The following ADAMTS2 variants were observed in gnomAD, a reference collection of about 807,000 sequenced individuals.
ADAMTS2 encodes the protein ADAM metallopeptidase with thrombospondin type 1 motif 2.
A neutral mutation model predicts 123.0 loss-of-function variants in ADAMTS2; 50 were observed. The ratio of observed to expected loss-of-function variants is 0.41; its 90% CI spans 0.32 to 0.51. The LOEUF is 0.51. ADAMTS2 is among the 20% of genes least tolerant of loss of function. The pLI is 0.35. For synonymous variants in ADAMTS2, 678 were observed against 695.4 expected (o/e 0.98, Z 0.39); for missense variants, 1,494 against 1,705.2 (o/e 0.88, Z 2.18).
intron 4 of ADAMTS2, among the ~76,000 whole-genome samples, chr5:179,187,488 G>A (rs194040): frequency 0.32 from 49,367 of 152,222 alleles, 9,203 homozygotes; most frequent in Non-Finnish European, 0.43. Context: ...AATGAATGGA[G>A]TGAATCACTT....
intron 12 of ADAMTS2, 106 bp downstream of exon 12, chr5:179,137,663 G>A: frequency 6.9e-7 from 1 of 1,454,850 alleles, no homozygotes; most frequent in Non-Finnish European, 9.3e-7. Flanking sequence ...CCAGCCCAGG[G>A]TCGCGGCAGC....
intron 5 of ADAMTS2, among the ~76,000 whole-genome samples, chr5:179,168,116 G>A (rs1331220453): frequency 2.0e-5 from 3 of 152,190 alleles, no homozygotes; most frequent in Admixed American, 6.5e-5. Context: ...CAGATATTTG[G>A]GGCCAGATAA....
chr5:179,318,034 A>G (rs904372449), intron 2 of ADAMTS2, among the ~76,000 whole-genome samples: 7 of 152,144 alleles, frequency 4.6e-5, no homozygotes, highest in Non-Finnish European at 8.8e-5. Flanking sequence ...TCCTCCCCAA[A>G]GGTCAGGCAG....
At position 179,153,629 on chromosome 5, in the gene ADAMTS2, G is replaced by A; in HGVS notation, c.1383-6C>T. 1 of 1,600,692 alleles carries A rather than the reference G, an allele frequency of 6.2e-7. No individual in the cohort carries two copies. ...CCAGCAGGCAGTCATAGGAGCTGTG[G>A]GGGACACACGGTGCCGCGAGCAGCC... On this transcript the variant is annotated splice_polypyrimidine_tract_variant and splice_region_variant and intron_variant, in intron 8 of 21. Transcript: ENST00000251582.
At chr5:179,251,789 C>G (rs939727552) in intron 3 of ADAMTS2, among the ~76,000 whole-genome samples, 11 of 152,032 alleles carry the variant, frequency 7.2e-5, no homozygotes, top group Non-Finnish European at 1.6e-4. Context: ...AGAGGAGGTG[C>G]TGTGTGCAGA....
intron 4 of ADAMTS2, among the ~76,000 whole-genome samples, chr5:179,203,196 G>T (rs1231629970): frequency 6.6e-6 from 1 of 152,148 alleles, no homozygotes; most frequent in African/African-American, 2.4e-5. Context: ...CACCATCAGG[G>T]CCCCCACCAG....
chr5:179,324,934 C>T (rs1009265983), intron 2 of ADAMTS2, among the ~76,000 whole-genome samples: 2 of 152,190 alleles, frequency 1.3e-5, no homozygotes, highest in African/African-American at 2.4e-5. Context: ...AGGGACCCCC[C>T]CACTGTCTGC....
chr5:179,192,868 G>A (rs1384587965), intron 4 of ADAMTS2, among the ~76,000 whole-genome samples: 1 of 152,136 alleles, frequency 6.6e-6, no homozygotes, highest in African/African-American at 2.4e-5. Flanking sequence ...CACTAGGCAG[G>A]GACTGTTCTG....
At chr5:179,245,792 A>AAC (rs1561628689) in intron 3 of ADAMTS2, among the ~76,000 whole-genome samples, 10,950 of 96,756 alleles carry the variant, frequency 0.11, 1,191 homozygotes, top group Non-Finnish European at 0.19. Flanking sequence ...AAAAAAAAAA[A>AAC]AAACAAAAAA....
At chr5:179,247,723 A>T (rs1372271219) in intron 3 of ADAMTS2, among the ~76,000 whole-genome samples, 1 of 152,220 alleles carries the variant, frequency 6.6e-6, no homozygotes, top group African/African-American at 2.4e-5. Flanking sequence ...CAACGGGATG[A>T]CATATTTAAG....
chr5:179,181,556 A>T lies in ADAMTS2; in HGVS notation c.892-401T>A, dbSNP rs998793165. ...CAGGGCTGGGACCGGCCCTGGCAGAAGTCACTCCAAGCTATAGCTGGTGGG... is the reference window on the plus strand; with the variant it reads ...CAGGGCTGGGACCGGCCCTGGCAGATGTCACTCCAAGCTATAGCTGGTGGG... On this transcript the variant is annotated intron_variant, in intron 4 of 21. Coordinates refer to ENST00000251582, the MANE Select transcript of ADAMTS2 (RefSeq NM_014244.5). This position sits in a 1 kb window ranked among gnomAD's most constrained non-coding sequence, Gnocchi z 4.1. Among the ~76,000 whole-genome samples the T allele has an allele frequency of 2.0e-5, 3 of 152,132 alleles. No homozygotes were observed. Among genetic ancestry groups the T allele is most frequent in the African/African-American group, 7.2e-5 (3 of 41,420 alleles).
In ADAMTS2 at chr5:179,154,207, G is replaced by A. The variant is rs749789700; in HGVS notation, c.1239-15C>T. 1 of 1,543,776 alleles carries A rather than the reference G, an allele frequency of 6.5e-7. No homozygotes were observed. The highest frequency in any genetic ancestry group is 1.2e-5 in the South Asian group (1 of 84,424). On this transcript the variant is annotated splice_polypyrimidine_tract_variant and intron_variant, in intron 7 of 21. Transcript: ENST00000251582. Reference sequence around the variant, plus strand: ...CCATGCCCAGCCTGCGAGGGCCGAGGCAGCTGGCTGAATCCCACTGGCACA... The same window carrying A: ...CCATGCCCAGCCTGCGAGGGCCGAGACAGCTGGCTGAATCCCACTGGCACA...
At position 179,314,536 on chromosome 5, in the gene ADAMTS2, T is replaced by C. The variant is rs890880363; in HGVS notation, c.534+29231A>G. The stretch of plus-strand genomic sequence containing the variant: ...GAAGCAGCCCTCCCACCCACAGCGC[T>C]CCTGCCTCTGCAGCCCCCCGGGCCG... On this transcript the variant is annotated intron_variant, in intron 2 of 21. Coordinates refer to ENST00000251582, the MANE Select transcript of ADAMTS2 (RefSeq NM_014244.5). The surrounding 1 kb of genome is among the most constrained non-coding windows in gnomAD (Gnocchi z 4.5). Among the ~76,000 whole-genome samples the C allele has an allele frequency of 6.6e-6, 1 of 152,024 alleles. No individual in the cohort carries two copies. Among genetic ancestry groups the C allele is most frequent in the Non-Finnish European group, 1.5e-5 (1 of 67,996 alleles).
At chr5:179,137,584 G>T (rs1763086628) in intron 12 of ADAMTS2, among the ~76,000 whole-genome samples, 185 bp downstream of exon 12, 1 of 152,232 alleles carries the variant, frequency 6.6e-6, no homozygotes, top group Non-Finnish European at 1.5e-5. Flanking sequence ...TTGCAGCCCT[G>T]CTAGGAACTT....
chr5:179,135,833 C>A lies in ADAMTS2; in HGVS notation c.2085+76G>T, dbSNP rs3822595. 1.9e-6 allele frequency: 3 copies of A among 1,601,076 alleles called. No individual in the cohort carries two copies. In the African/African-American group the frequency reaches 4.0e-5, roughly 21 times the overall value. On this transcript the variant is annotated intron_variant, in intron 13 of 21. Transcript: ENST00000251582. ...CACCTCATGCATCTTGCCAATACCC[C>A]GAAAAGGGGGAGGTCAGTACCCAGG...
Position 179,225,468 on chromosome 5 carries a change from T to C in ADAMTS2, c.689-17753A>G, listed in dbSNP as rs1184945486. Among the ~76,000 whole-genome samples the C allele has an allele frequency of 1.3e-5, 2 of 152,260 alleles. No individual in the cohort carries two copies. Among genetic ancestry groups the C allele is most frequent in the East Asian group, 1.9e-4 (1 of 5,178 alleles). ...TTGCCTTTGTGCCCAAATGTCACAT[T>C]TCCCAAGACCACCCTGGTCCACCAT... On this transcript the variant is annotated intron_variant, in intron 3 of 21. Transcript: ENST00000251582. The surrounding 1 kb of genome is among the most constrained non-coding windows in gnomAD (Gnocchi z 4.5).
intron 4 of ADAMTS2, among the ~76,000 whole-genome samples, chr5:179,187,614 TG>T: frequency 6.6e-6 from 1 of 152,142 alleles, no homozygotes; most frequent in Middle Eastern, 3.4e-3. Context: ...CCAGCAGCCC[TG>T]GGGGCCTCCT....
chr5:179,154,363 G>A (rs759737529), intron 7 of ADAMTS2, among the ~76,000 whole-genome samples, 171 bp from the exon 8 acceptor site: 1 of 152,176 alleles, frequency 6.6e-6, no homozygotes, highest in Non-Finnish European at 1.5e-5. Context: ...GAAAGCCGAG[G>A]CACTCTGGGG....
In ADAMTS2 at chr5:179,127,983, G is replaced by C; in HGVS notation, c.2593C>G (p.Pro865Ala). The change falls in exon 17 of 22, where the codon CCG (proline) becomes GCG (alanine). Residue 865 changes from proline to alanine, a missense_variant. Physicochemically the swap from Pro to Ala is conservative, Grantham distance 27. Transcript: ENST00000251582. ...CCTCCGCCACAGGGCTTGGAGCACG[G>C]AGACCACTTCTTCAGGGCCCACTCG... The part of the protein sequence containing the change: ...VYEWALKKWS[P>A]CSKPCGGGSQ... 1 of 1,613,978 alleles carries C rather than the reference G, an allele frequency of 6.2e-7. No homozygotes were observed. Among genetic ancestry groups the C allele is most frequent in the Non-Finnish European group, 8.5e-7 (1 of 1,180,034 alleles).
Sources: allele counts gnomAD v4.1 joint callset (sites outside exome capture counted in the v4.1 genomes callset), GRCh38; gene constraint gnomAD v4.1.1; non-coding constraint Gnocchi (gnomAD v3.1); transcripts MANE v1.5; gene names NCBI Gene and HGNC (gene_info 2026-07-23, HGNC 2026-07-21).